The following PDE3B variants were observed in gnomAD, a reference collection of about 807,000 sequenced individuals.
PDE3B encodes phosphodiesterase 3B, also known as cGMP-inhibited 3',5'-cyclic phosphodiesterase 3B.
PDE3B carries 66 observed loss-of-function variants against 116.8 expected under a neutral mutation model. That is an observed-to-expected ratio of 0.56 (90% CI 0.46 to 0.69). The LOEUF is 0.69. Ranked by LOEUF, PDE3B falls within the 30% of genes least tolerant of loss-of-function variation. PDE3B has a pLI of 0.00. For missense variants in PDE3B, 1,384 were observed against 1,368.1 expected, an observed-to-expected ratio of 1.01 and a Z score of -0.18; for synonymous variants, 595 against 533.6, an observed-to-expected ratio of 1.12 and a Z score of -1.59.
Position 14,867,770 on chromosome 11 carries a change from G to A in PDE3B, c.3139+12G>A, listed in dbSNP as rs1555008341. On this transcript the variant is annotated intron_variant, in intron 15 of 15. Transcript: ENST00000282096. The stretch of plus-strand genomic sequence containing the variant: ...CAATCTAAATCCAAGTAAGAATATA[G>A]GGACATTATAATTTATTTAATGTTA... The A allele has an allele frequency of 1.9e-6, 3 of 1,581,070 alleles. No homozygotes were observed. The highest frequency in any genetic ancestry group is 1.1e-5 in the South Asian group (1 of 89,838).
chr11:14,830,759 G>A lies in PDE3B; in HGVS notation c.1869G>A (p.Glu623=), dbSNP rs1859856990. The A allele has an allele frequency of 2.0e-6, 3 of 1,534,306 alleles. No individual in the cohort carries two copies. The highest frequency in any genetic ancestry group is 1.7e-6 in the Non-Finnish European group (2 of 1,145,164). ...SFKLMETQQE[E]ETEKKDSRKL... ...AACTTATGGAAACTCAACAAGAAGA[G>A]GAAACAGAGAAGAAAGACAGCAGAA... The change falls in exon 8 of 16, where the codon GAG becomes GAA. Residue 623 remains glutamate (E), a synonymous_variant. Coordinates refer to ENST00000282096, the MANE Select transcript of PDE3B (RefSeq NM_000922.4).
chr11:14,674,467 C>T, intron 1 of PDE3B: 3 of 585,608 alleles, frequency 5.1e-6, no homozygotes, highest in Non-Finnish European at 1.0e-5. Context: ...AACCTTTACA[C>T]ACTTTGTTTC....
At chr11:14,845,580 G>A (rs1160784466) in intron 12 of PDE3B, among the ~76,000 whole-genome samples, 1 of 151,078 alleles carries the variant, frequency 6.6e-6, no homozygotes, top group African/African-American at 2.4e-5. Flanking sequence ...CAAAGAAGTT[G>A]AAAACTTTGA....
At chr11:14,696,043 C>T (rs1855197532) in intron 1 of PDE3B, among the ~76,000 whole-genome samples, 2 of 152,206 alleles carry the variant, frequency 1.3e-5, no homozygotes, top group Middle Eastern at 6.8e-3. Flanking sequence ...ATTGCTGGGT[C>T]AAATGGTATT....
intron 1 of PDE3B, among the ~76,000 whole-genome samples, chr11:14,669,459 A>G (rs548290541): frequency 1.3e-5 from 2 of 152,264 alleles, no homozygotes; most frequent in South Asian, 4.1e-4. Context: ...AATATTCGTA[A>G]CACTACCTTT....
At chr11:14,836,439 C>G (rs191114785) in intron 11 of PDE3B, among the ~76,000 whole-genome samples, 237 of 151,930 alleles carry the variant, frequency 1.6e-3, no homozygotes, top group African/African-American at 5.3e-3. Context: ...TTTAGTGAAC[C>G]TTTTGAATAT....
intron 2 of PDE3B, among the ~76,000 whole-genome samples, chr11:14,785,676 T>C (rs1323022293): frequency 6.6e-6 from 1 of 152,092 alleles, no homozygotes; most frequent in African/African-American, 2.4e-5. Context: ...AATCATCTCA[T>C]GTTTACATCG....
At chr11:14,740,393 A>T (rs951931933) in intron 1 of PDE3B, among the ~76,000 whole-genome samples, 2 of 151,988 alleles carry the variant, frequency 1.3e-5, no homozygotes, top group Non-Finnish European at 2.9e-5. Context: ...TTGCATAGAG[A>T]TGTTTATAGT....
At chr11:14,667,292 G>A (rs1240669795) in intron 1 of PDE3B, among the ~76,000 whole-genome samples, 3 of 151,180 alleles carry the variant, frequency 2.0e-5, no homozygotes, top group African/African-American at 7.3e-5. Context: ...TGTGGGGTGG[G>A]GGGAGTGGGG....
At chr11:14,650,201 G>GT (rs59519371) in intron 1 of PDE3B, among the ~76,000 whole-genome samples, 1,499 of 130,846 alleles carry the variant, frequency 0.011, 11 homozygotes, top group African/African-American at 0.02. Context: ...ATTCAGCAAT[G>GT]TTTTTTTTTT....
the PDE3B span, among the ~76,000 whole-genome samples, chr11:14,894,842 A>G: frequency 7.2e-5 from 11 of 152,210 alleles, no homozygotes; most frequent in Non-Finnish European, 1.3e-4. Flanking sequence ...AAAACAATCA[A>G]TAATGTTTGT....
chr11:14,774,212 C>T (rs1169515032), intron 2 of PDE3B: 1 of 152,152 alleles, frequency 6.6e-6, no homozygotes, highest in East Asian at 1.9e-4. Flanking sequence ...TTTATTTCAG[C>T]TTTTCTAGTT....
At chr11:14,673,305 A>G (rs1205011118) in intron 1 of PDE3B, among the ~76,000 whole-genome samples, 1 of 152,050 alleles carries the variant, frequency 6.6e-6, no homozygotes, top group African/African-American at 2.4e-5. Context: ...GAATAGAACC[A>G]CCAACATTCA....
At chr11:14,856,949 G>C (rs1433021169) in intron 12 of PDE3B, among the ~76,000 whole-genome samples, 2 of 151,950 alleles carry the variant, frequency 1.3e-5, no homozygotes, top group East Asian at 3.8e-4. Flanking sequence ...TTTTAAAAGG[G>C]GACATTTGTT....
At chr11:14,705,202 G>A (rs189997800) in intron 1 of PDE3B, among the ~76,000 whole-genome samples, 58 of 151,722 alleles carry the variant, frequency 3.8e-4, no homozygotes, top group East Asian at 5.8e-4. Context: ...CAAAAATTTC[G>A]TCATGCATGT....
chr11:14,652,854 G>A (rs542738299), intron 1 of PDE3B, among the ~76,000 whole-genome samples: 138 of 152,274 alleles, frequency 9.1e-4, no homozygotes, highest in African/African-American at 3.2e-3. Flanking sequence ...CCTTGAATCT[G>A]TAGATTGCTT....
intron 1 of PDE3B, among the ~76,000 whole-genome samples, chr11:14,713,656 C>T (rs559976460): frequency 5.9e-5 from 9 of 152,066 alleles, no homozygotes; most frequent in African/African-American, 2.2e-4. Flanking sequence ...GGTCAGCCTC[C>T]ACAATCATGT....
chr11:14,831,542 C>G (rs1590179310), intron 8 of PDE3B, 98 bp from the exon 9 acceptor site: 1 of 668,968 alleles, frequency 1.5e-6, no homozygotes, highest in African/African-American at 1.9e-5. Context: ...ATAGTACTGA[C>G]TTTTTTAAAT....
At chr11:14,848,254 T>C (rs1251464545) in intron 12 of PDE3B, among the ~76,000 whole-genome samples, 9 of 139,548 alleles carry the variant, frequency 6.4e-5, no homozygotes, top group Non-Finnish European at 1.1e-4. Context: ...ATTATCTCAA[T>C]AGATGCAGAA....
Sources: allele counts gnomAD v4.1 joint callset (sites outside exome capture counted in the v4.1 genomes callset), GRCh38; gene constraint gnomAD v4.1.1; transcripts MANE v1.5; gene names NCBI Gene and HGNC (gene_info 2026-07-23, HGNC 2026-07-21).